Variants in MBD2 observed in about 807,000 individuals in gnomAD.
MBD2 encodes methyl-CpG-binding domain protein 2.
A neutral mutation model predicts 39.3 loss-of-function variants in MBD2; 9 were observed. The ratio of observed to expected loss-of-function variants is 0.23; its 90% CI spans 0.14 to 0.40. The LOEUF (loss-of-function observed/expected upper bound fraction) is 0.40, where lower values mean the gene tolerates loss of function less well. Among genes scored for constraint, MBD2 ranks in the 10% least tolerant of loss-of-function variants. The pLI is 1.00. For synonymous variants in MBD2, 233 were observed against 211.1 expected, an observed-to-expected ratio of 1.10 and a Z score of -0.90; for missense variants, 458 against 532.6, an observed-to-expected ratio of 0.86 and a Z score of 1.38.
At chr18:54,177,811 AT>A (rs1417384683) in intron 3 of MBD2, among the ~76,000 whole-genome samples, 2,825 of 97,716 alleles carry the variant, frequency 0.029, 75 homozygotes, top group African/African-American at 0.083. Flanking sequence ...AACAGGCACT[AT>A]TTTTTTTTTC....
At chr18:54,179,165 G>A (rs1384782536) in intron 3 of MBD2, among the ~76,000 whole-genome samples, 7 of 152,138 alleles carry the variant, frequency 4.6e-5, no homozygotes, top group Non-Finnish European at 7.3e-5. Context: ...ACTCCAGCCT[G>A]AGCGATACAG....
chr18:54,205,234 C>T, intron 1 of MBD2, 77 bp from the exon 2 acceptor site: 1 of 1,245,162 alleles, frequency 8.0e-7, no homozygotes, highest in Non-Finnish European at 1.1e-6. Context: ...TCTTCCCCTA[C>T]CCTCAATTGA....
intron 1 of MBD2, chr18:54,222,468 G>C (rs1261903495): frequency 4.6e-6 from 2 of 438,636 alleles, no homozygotes; most frequent in Non-Finnish European, 9.1e-6. Context: ...TACAAACCAA[G>C]ACTATCACAC....
intron 3 of MBD2, among the ~76,000 whole-genome samples, chr18:54,186,071 T>C (rs2086284598): frequency 6.6e-6 from 1 of 152,098 alleles, no homozygotes; most frequent in Non-Finnish European, 1.5e-5. Flanking sequence ...TTTTTAATGA[T>C]TGCTTCTCAT....
intron 3 of MBD2, among the ~76,000 whole-genome samples, chr18:54,188,605 A>G (rs921432509): frequency 7.9e-5 from 12 of 152,348 alleles, no homozygotes; most frequent in Non-Finnish European, 1.5e-4. Context: ...TAAGATTAGC[A>G]GAACCAAGTC....
At chr18:54,189,731 C>G (rs1435147279) in intron 2 of MBD2, among the ~76,000 whole-genome samples, 2 of 151,626 alleles carry the variant, frequency 1.3e-5, no homozygotes, top group African/African-American at 4.8e-5. Flanking sequence ...CTCACGGCAG[C>G]CTTGACCTCC....
chr18:54,186,721 A>G (rs2086289089), intron 3 of MBD2, among the ~76,000 whole-genome samples: 1 of 152,182 alleles, frequency 6.6e-6, no homozygotes, highest in Non-Finnish European at 1.5e-5. Context: ...TCCAGCAAAA[A>G]TTGTCAGGTA....
intron 1 of MBD2, among the ~76,000 whole-genome samples, chr18:54,217,053 C>A (rs1366473592): frequency 6.6e-6 from 1 of 152,158 alleles, no homozygotes; most frequent in African/African-American, 2.4e-5. Flanking sequence ...CACGCCACTG[C>A]ACTCCAGCCT....
At chr18:54,200,729 C>T (rs1484150347) in intron 2 of MBD2, among the ~76,000 whole-genome samples, 1 of 148,018 alleles carries the variant, frequency 6.8e-6, no homozygotes, top group Non-Finnish European at 1.5e-5. Context: ...GGCAAAGCTC[C>T]GTGCTGTTCA....
chr18:54,173,411 G>A (rs2144292538), intron 3 of MBD2, among the ~76,000 whole-genome samples: 1 of 152,300 alleles, frequency 6.6e-6, no homozygotes, highest in East Asian at 1.9e-4. Flanking sequence ...AAGGCCCTGT[G>A]TAACTGCACA....
At chr18:54,157,880 C>G (rs926217767) in intron 6 of MBD2, among the ~76,000 whole-genome samples, 3 of 151,976 alleles carry the variant, frequency 2.0e-5, no homozygotes, top group Admixed American at 2.0e-4. Context: ...GATTCTTTCT[C>G]CAGCTATATC....
chr18:54,185,970 T>C (rs1010952392), intron 3 of MBD2, among the ~76,000 whole-genome samples: 1 of 152,064 alleles, frequency 6.6e-6, no homozygotes, highest in Non-Finnish European at 1.5e-5. Flanking sequence ...ACATTAAAAA[T>C]TCGTAATTTA....
chr18:54,218,289 A>G (rs2086578912), intron 1 of MBD2, among the ~76,000 whole-genome samples: 1 of 152,050 alleles, frequency 6.6e-6, no homozygotes, highest in Admixed American at 6.6e-5. Context: ...GATTTATTAC[A>G]TTTTTTTCCC....
At chr18:54,219,090 C>G (rs1484594609) in intron 1 of MBD2, among the ~76,000 whole-genome samples, 1 of 152,150 alleles carries the variant, frequency 6.6e-6, no homozygotes, top group Non-Finnish European at 1.5e-5. Flanking sequence ...AGACCCTACA[C>G]TACTATACCC....
intron 2 of MBD2, among the ~76,000 whole-genome samples, chr18:54,199,680 T>G (rs1003666085): frequency 6.6e-6 from 1 of 152,154 alleles, no homozygotes. Flanking sequence ...TATTGCAGCA[T>G]CCATTCTCTT....
intron 1 of MBD2, among the ~76,000 whole-genome samples, chr18:54,213,410 T>A (rs959670726): frequency 6.6e-6 from 1 of 152,190 alleles, no homozygotes; most frequent in Non-Finnish European, 1.5e-5. Context: ...CTCAAAACCA[T>A]TCGGGATCCA....
chr18:54,205,223 G>A (rs894704259), intron 1 of MBD2, 66 bp from the exon 2 acceptor site: 3 of 1,377,920 alleles, frequency 2.2e-6, no homozygotes, highest in Non-Finnish European at 3.0e-6. Context: ...TTTTCTTCAT[G>A]TCTTCCCCTA....
intron 2 of MBD2, among the ~76,000 whole-genome samples, chr18:54,190,925 A>G: frequency 6.6e-6 from 1 of 152,222 alleles, no homozygotes; most frequent in East Asian, 1.9e-4. Flanking sequence ...ATTGCTATTA[A>G]GTTCATTTGC....
intron 1 of MBD2, among the ~76,000 whole-genome samples, chr18:54,217,854 C>A (rs1217152008): frequency 6.6e-6 from 1 of 152,176 alleles, no homozygotes; most frequent in Non-Finnish European, 1.5e-5. Context: ...CTTTGCATGT[C>A]AGATTCTAAA....
Sources: gnomAD v4.1 joint callset for allele counts (sites outside exome capture counted in the v4.1 genomes callset) on GRCh38, gnomAD v4.1.1 for gene constraint, MANE v1.5 for transcripts, NCBI Gene and HGNC (gene_info 2026-07-23, HGNC 2026-07-21) for gene names.